Variants in F13A1 observed in about 807,000 individuals in gnomAD.
F13A1 encodes FSF, A subunit.
F13A1 carries 47 observed loss-of-function variants against 80.1 expected under a neutral mutation model. That is an observed-to-expected ratio of 0.59 (90% CI 0.46 to 0.75). The LOEUF is 0.75. Ranked by LOEUF, F13A1 falls within the 30% of genes least tolerant of loss-of-function variation. The pLI, the probability that F13A1 is intolerant of heterozygous loss-of-function variation, is 0.00. For missense variants in F13A1, 817 were observed against 930.4 expected, an observed-to-expected ratio of 0.88 and a Z score of 1.59; for synonymous variants, 349 against 344.9, an observed-to-expected ratio of 1.01 and a Z score of -0.13.
At chr6:6,305,086 G>A in intron 3 of F13A1, 1 of 510,876 alleles carries the variant, frequency 2.0e-6, no homozygotes, top group South Asian at 2.1e-5. Context: ...ATTTGTTTGA[G>A]GAAGAATAAT....
intron 10 of F13A1, among the ~76,000 whole-genome samples, chr6:6,192,969 C>T (rs115045188): frequency 0.019 from 2,866 of 151,106 alleles, 70 homozygotes; most frequent in African/African-American, 0.049. Flanking sequence ...TCTTGGAATA[C>T]GACTCCAGAC....
chr6:6,150,838 G>C (rs1168393750), intron 14 of F13A1, among the ~76,000 whole-genome samples: 1 of 152,096 alleles, frequency 6.6e-6, no homozygotes, highest in African/African-American at 2.4e-5. Flanking sequence ...GTGACAAATT[G>C]GAATGTGTGG....
chr6:6,174,715 T>A lies in F13A1; in HGVS notation c.1612A>T (p.Ile538Phe). ...TTGTGGCTGTTGTTCCGGAAGGTGA[T>A]GGAGAGCTTGAAGTCTTTTCCCAGC... ...AVLGKDFKLS[I>F]TFRNNSHNRY... The change falls in exon 12 of 15, where the codon ATC becomes TTC. Residue 538 changes from isoleucine to phenylalanine, a missense_variant. By Grantham distance (21) the Ile-to-Phe change is conservative (BLOSUM62 0). Coordinates refer to ENST00000264870, the MANE Select transcript of F13A1 (RefSeq NM_000129.4). The A allele has an allele frequency of 6.2e-7, 1 of 1,614,188 alleles. No homozygotes were observed.
At chr6:6,195,688 G>A in intron 10 of F13A1, 109 bp downstream of exon 10, 2 of 911,534 alleles carry the variant, frequency 2.2e-6, no homozygotes, top group Non-Finnish European at 3.6e-6. Flanking sequence ...TCAACACGAA[G>A]CATACGCTAT....
intron 10 of F13A1, among the ~76,000 whole-genome samples, chr6:6,186,081 CTT>C (rs1761076189): frequency 6.6e-6 from 1 of 150,604 alleles, no homozygotes; most frequent in Non-Finnish European, 1.5e-5. Flanking sequence ...TTGTTTTTTT[CTT>C]GTAAATTTGT....
chr6:6,255,670 G>A (rs1440422440), intron 4 of F13A1, among the ~76,000 whole-genome samples: 1 of 152,124 alleles, frequency 6.6e-6, no homozygotes, highest in Admixed American at 6.5e-5. Flanking sequence ...ATAAATTTAA[G>A]TGGCAAAGCA....
chr6:6,201,863 T>C (rs1200041400), intron 8 of F13A1, among the ~76,000 whole-genome samples: 1 of 152,150 alleles, frequency 6.6e-6, no homozygotes, highest in Non-Finnish European at 1.5e-5. Flanking sequence ...TTTGCTGCAA[T>C]TCATACGTGT....
At chr6:6,301,572 T>G (rs1182448853) in intron 3 of F13A1, among the ~76,000 whole-genome samples, 1 of 152,224 alleles carries the variant, frequency 6.6e-6, no homozygotes, top group Non-Finnish European at 1.5e-5. Context: ...ATACAGATTT[T>G]ATCTCAAAAA....
chr6:6,266,373 A>T (rs1757844482), intron 4 of F13A1, among the ~76,000 whole-genome samples, 185 bp downstream of exon 4: 1 of 152,200 alleles, frequency 6.6e-6, no homozygotes, highest in South Asian at 2.1e-4. Context: ...CTGGGAGTAC[A>T]GGTGTGCACC....
chr6:6,312,155 A>G (rs2755419), intron 2 of F13A1, among the ~76,000 whole-genome samples: 110,118 of 150,806 alleles, frequency 0.73, 40,567 homozygotes, highest in East Asian at 0.86. Flanking sequence ...GATAGTATCA[A>G]TTGTTTTAAA....
At chr6:6,221,471 G>C (rs2113057688) in intron 8 of F13A1, among the ~76,000 whole-genome samples, 1 of 152,284 alleles carries the variant, frequency 6.6e-6, no homozygotes, top group Admixed American at 6.5e-5. Flanking sequence ...AAAAGGTTGT[G>C]GTTAATGGTC....
At chr6:6,193,581 T>TA (rs2151081369) in intron 10 of F13A1, among the ~76,000 whole-genome samples, 1 of 152,308 alleles carries the variant, frequency 6.6e-6, no homozygotes, top group Non-Finnish European at 1.5e-5. Flanking sequence ...GTACCCTCTG[T>TA]CAGACACGCC....
intron 4 of F13A1, among the ~76,000 whole-genome samples, chr6:6,257,548 C>T (rs1323583103): frequency 1.3e-5 from 2 of 152,136 alleles, no homozygotes; most frequent in Non-Finnish European, 2.9e-5. Context: ...AGTAGTTCGC[C>T]AGGACTGGTA....
chr6:6,150,195 G>T (rs564974536), intron 14 of F13A1, among the ~76,000 whole-genome samples: 229 of 152,258 alleles, frequency 1.5e-3, no homozygotes, highest in African/African-American at 5.4e-3. Flanking sequence ...TACAGCAGGG[G>T]GCTGTATGGA....
At chr6:6,284,692 C>T (rs535913674) in intron 3 of F13A1, among the ~76,000 whole-genome samples, 4 of 152,318 alleles carry the variant, frequency 2.6e-5, no homozygotes, top group South Asian at 4.2e-4. Flanking sequence ...ATTTCCTTCT[C>T]ACTAGAAGCT....
At chr6:6,283,982 A>G (rs1758102068) in intron 3 of F13A1, among the ~76,000 whole-genome samples, 1 of 152,256 alleles carries the variant, frequency 6.6e-6, no homozygotes, top group South Asian at 2.1e-4. Flanking sequence ...GCAAGGGGTT[A>G]CTTAGTGAAT....
At chr6:6,207,410 CA>C (rs1264399765) in intron 8 of F13A1, among the ~76,000 whole-genome samples, 3 of 152,112 alleles carry the variant, frequency 2.0e-5, no homozygotes, top group Non-Finnish European at 4.4e-5. Context: ...AAAATAGAAG[CA>C]AATGTTTAAC....
rs551292965 is a variant in F13A1 at position 6,150,161 on chromosome 6, C to G, written c.2045+1652G>C. On this transcript the variant is annotated intron_variant, in intron 14 of 14. Transcript: ENST00000264870. ...CACTCAGATAAAGCTTGTGGGTTTA[C>G]TGTCTGGGAAGGAAAAAGTTGGATA... Among the ~76,000 whole-genome samples, 23 of 152,172 alleles carry G rather than the reference C, an allele frequency of 1.5e-4. No homozygotes were observed. In the South Asian group the frequency reaches 4.6e-3, roughly 30 times the overall value.
At chr6:6,294,452 A>T (rs1758284356) in intron 3 of F13A1, among the ~76,000 whole-genome samples, 1 of 152,032 alleles carries the variant, frequency 6.6e-6, no homozygotes, top group African/African-American at 2.4e-5. Context: ...CAGACAGCCT[A>T]TTGTGGGACC....
Sources: gnomAD v4.1 joint callset for allele counts (sites outside exome capture counted in the v4.1 genomes callset) on GRCh38, gnomAD v4.1.1 for gene constraint, MANE v1.5 for transcripts, NCBI Gene and HGNC (gene_info 2026-07-23, HGNC 2026-07-21) for gene names.